CACNA1A: variants seen among roughly 807,000 people sequenced by gnomAD.
CACNA1A encodes the protein voltage-dependent P/Q-type calcium channel subunit alpha-1A.
CACNA1A carries 57 observed loss-of-function variants against 262.4 expected under a neutral mutation model. The observed-to-expected ratio is 0.22, with a 90% CI of 0.18 to 0.27. The LOEUF (loss-of-function observed/expected upper bound fraction) is 0.27. Ranked by LOEUF, CACNA1A falls within the 10% of genes least tolerant of loss-of-function variation. The probability of loss-of-function intolerance (pLI) is 1.00; values close to 1 mark genes in which losing one functional copy is unlikely to be tolerated. For missense variants in CACNA1A, 2,526 were observed against 3,562.8 expected, an observed-to-expected ratio of 0.71 and a Z score of 7.41; for synonymous variants, 1,431 against 1,419.3, an observed-to-expected ratio of 1.01 and a Z score of -0.18.
intron 38 of CACNA1A, among the ~76,000 whole-genome samples, chr19:13,215,926 T>C (rs2054993480): frequency 6.6e-6 from 1 of 152,150 alleles, no homozygotes; most frequent in Non-Finnish European, 1.5e-5. Flanking sequence ...GTTTTGGTTT[T>C]ATTTTGATTT....
chr19:13,332,308 G>A (rs1568542852), intron 9 of CACNA1A, among the ~76,000 whole-genome samples: 1 of 152,084 alleles, frequency 6.6e-6, no homozygotes, highest in Non-Finnish European at 1.5e-5. Context: ...GGCTGAGGCA[G>A]AGAATTGCTT....
chr19:13,400,874 G>C (rs890030878), intron 3 of CACNA1A, among the ~76,000 whole-genome samples: 1 of 152,100 alleles, frequency 6.6e-6, no homozygotes, highest in Non-Finnish European at 1.5e-5. Flanking sequence ...ATTCAAGTTG[G>C]AGTAAAGTGG....
intron 7 of CACNA1A, 84 bp from the exon 8 acceptor site, chr19:13,334,577 G>GTGTGTGTGTGTGTGTGTGTT: frequency 1.5e-6 from 1 of 668,944 alleles, no homozygotes; most frequent in Non-Finnish European, 2.6e-6. Context: ...GTGTGTGTGT[G>GTGTGTGTGTGTGTGTGTGTT]TGTGTGTGTG....
At chr19:13,230,272 T>G in intron 35 of CACNA1A, 63 bp from the exon 36 acceptor site, 1 of 1,577,114 alleles carries the variant, frequency 6.3e-7, no homozygotes, top group Non-Finnish European at 8.7e-7. Context: ...AATGAGTGAG[T>G]GAGAAGGATA....
intron 3 of CACNA1A, among the ~76,000 whole-genome samples, chr19:13,394,099 C>A (rs1455021511): frequency 6.6e-6 from 1 of 152,132 alleles, no homozygotes; most frequent in African/African-American, 2.4e-5. Context: ...GCTAACATTT[C>A]TTGAGTGCTT....
intron 22 of CACNA1A, among the ~76,000 whole-genome samples, chr19:13,280,432 T>C (rs769126229): frequency 3.0e-4 from 45 of 151,466 alleles, no homozygotes; most frequent in Non-Finnish European, 4.7e-4. Context: ...GCCTCAAGCA[T>C]TGCTCCCACC....
At chr19:13,224,026 G>T (rs1432954302) in intron 38 of CACNA1A, among the ~76,000 whole-genome samples, 2 of 152,042 alleles carry the variant, frequency 1.3e-5, no homozygotes, top group African/African-American at 2.4e-5. Flanking sequence ...AATTAGGTTG[G>T]GCATGGTGGC....
chr19:13,292,160 A>C (rs2057554822), intron 19 of CACNA1A, among the ~76,000 whole-genome samples: 3 of 152,142 alleles, frequency 2.0e-5, no homozygotes, highest in African/African-American at 7.2e-5. Flanking sequence ...TCCACCCTGC[A>C]GGGCCACTGG....
chr19:13,317,877 A>G (rs7248121), intron 10 of CACNA1A, among the ~76,000 whole-genome samples: 7,760 of 152,312 alleles, frequency 0.051, 320 homozygotes, highest in East Asian at 0.13. Flanking sequence ...CTCAGGATAC[A>G]TTAGGCAACA....
intron 12 of CACNA1A, among the ~76,000 whole-genome samples, chr19:13,310,891 A>G (rs2058021671): frequency 6.6e-6 from 1 of 151,728 alleles, no homozygotes; most frequent in South Asian, 2.1e-4. Flanking sequence ...CCCCAGTTCA[A>G]GTGATTCTCC....
chr19:13,473,107 G>GC (rs1978289787), intron 1 of CACNA1A, among the ~76,000 whole-genome samples: 1 of 152,112 alleles, frequency 6.6e-6, no homozygotes, highest in Non-Finnish European at 1.5e-5. Flanking sequence ...TTAAAAATTA[G>GC]CTGAGTATGG....
intron 1 of CACNA1A, among the ~76,000 whole-genome samples, chr19:13,482,910 G>A (rs1460468369): frequency 1.4e-5 from 2 of 147,240 alleles, no homozygotes; most frequent in Non-Finnish European, 3.0e-5. Flanking sequence ...GTGAGTCTCA[G>A]TCTCTCTCTG....
chr19:13,484,758 T>C (rs1481048014), intron 1 of CACNA1A, among the ~76,000 whole-genome samples: 1 of 152,234 alleles, frequency 6.6e-6, no homozygotes, highest in African/African-American at 2.4e-5. Flanking sequence ...CCTTTGCACA[T>C]GCTGTTCCCT....
At chr19:13,315,106 A>C (rs1027451240) in intron 11 of CACNA1A, 3 of 151,394 alleles carry the variant, frequency 2.0e-5, no homozygotes, top group African/African-American at 7.3e-5. Context: ...ATAGATGTGG[A>C]GTCTGAGATC....
chr19:13,312,714 C>T lies in CACNA1A; in HGVS notation c.1623G>A (p.Gly541=), dbSNP rs375628894. ...AGGAAGAGTGGAAGTAAGGCCGCGTCCCAAGCCCGTACATTTTTATAAACA... is the reference window on the plus strand; with the variant it reads ...AGGAAGAGTGGAAGTAAGGCCGCGTTCCAAGCCCGTACATTTTTATAAACA... ...SEMFIKMYGL[G]TRPYFHSSFN... The change falls in exon 12 of 47, where the codon GGG becomes GGA. Residue 541 remains glycine, a synonymous_variant. Transcript: ENST00000360228. The T allele has an allele frequency of 1.0e-3, 1,596 of 1,598,026 alleles. 8 individuals are homozygous for T. The highest frequency in any genetic ancestry group is 1.0e-3 in the Non-Finnish European group (1,180 of 1,173,696).
chr19:13,453,073 A>C (rs781235439), intron 2 of CACNA1A, 58 bp from the exon 3 acceptor site: 393 of 1,593,176 alleles, frequency 2.5e-4, no homozygotes, highest in Non-Finnish European at 3.1e-4. Context: ...TGACAAGATC[A>C]GGGAACCAGC....
At chr19:13,416,677 T>C (rs1163367593) in intron 3 of CACNA1A, among the ~76,000 whole-genome samples, 1 of 151,890 alleles carries the variant, frequency 6.6e-6, no homozygotes, top group Non-Finnish European at 1.5e-5. Context: ...TAGCTGGGCG[T>C]GTTGGCGGGC....
rs57607096 is a variant in CACNA1A, at chr19:13,360,249, CTG to C, written c.785-452_785-451del. ...TTTTTTAAAAAAACTTATTAGGTGTCTGTGTGTGTGTGTGTGTATATATATAT... is the reference window on the plus strand; with the variant it reads ...TTTTTTAAAAAAACTTATTAGGTGTCTGTGTGTGTGTGTGTATATATATAT... On this transcript the variant is annotated intron_variant, in intron 5 of 46. Transcript: ENST00000360228. Among the ~76,000 whole-genome samples the C allele has an allele frequency of 1.3e-3, 144 of 109,098 alleles. 2 individuals carry two copies. The highest frequency in any genetic ancestry group is 3.1e-3 in the South Asian group (8 of 2,558). 71.6% of individuals were successfully genotyped at this position (109,098 alleles called of 152,430 possible).
chr19:13,324,275 G>T (rs952574722), intron 10 of CACNA1A, among the ~76,000 whole-genome samples: 2 of 152,062 alleles, frequency 1.3e-5, no homozygotes, highest in Non-Finnish European at 2.9e-5. Context: ...TTGATCAAAG[G>T]GTATAAGTTG....
Sources: gnomAD v4.1 joint callset for allele counts (sites outside exome capture counted in the v4.1 genomes callset) on GRCh38, gnomAD v4.1.1 for gene constraint, MANE v1.5 for transcripts, NCBI Gene and HGNC (gene_info 2026-07-23, HGNC 2026-07-21) for gene names.